The following CA12 variants were observed in gnomAD, a reference collection of about 807,000 sequenced individuals.
CA12 encodes the protein carbonic anhydrase 12.
Under a neutral mutation model 46.8 loss-of-function variants are expected in CA12, and 36 were observed. That is an observed-to-expected ratio of 0.77 (90% CI 0.59 to 1.02). The LOEUF (loss-of-function observed/expected upper bound fraction) is 1.02, where lower values mean the gene tolerates loss of function less well. CA12 is among the 50% of genes least tolerant of loss of function. The probability of loss-of-function intolerance (pLI) is 0.00; values close to 1 mark genes in which losing one functional copy is unlikely to be tolerated. For synonymous variants in CA12, 202 were observed against 187.0 expected (o/e 1.08, Z -0.65); for missense variants, 436 against 451.4 (o/e 0.97, Z 0.31).
In CA12 at chr15:63,348,899, G is replaced by T. The variant is rs1196870049; in HGVS notation, c.107-2190C>A. On this transcript the variant is annotated intron_variant, in intron 2 of 10. Coordinates refer to ENST00000178638, the MANE Select transcript of CA12 (RefSeq NM_001218.5). The surrounding 1 kb of genome is among the most constrained non-coding windows in gnomAD (Gnocchi z 4.6). The stretch of plus-strand genomic sequence containing the variant: ...AGGGCTTGGGAAAATGTGACTTGGG[G>T]AATGTTTCCTTTTTCTCTTGCTCTA... Among the ~76,000 whole-genome samples the T allele has an allele frequency of 6.6e-6, 1 of 152,238 alleles. No individual in the cohort carries two copies. Among genetic ancestry groups the T allele is most frequent in the African/African-American group, 2.4e-5 (1 of 41,470 alleles).
chr15:63,368,569 A>G (rs2039463609), intron 2 of CA12, among the ~76,000 whole-genome samples: 1 of 152,248 alleles, frequency 6.6e-6, no homozygotes, highest in Admixed American at 6.5e-5. Context: ...GCAGGTTCAC[A>G]GGGCAGCACA....
At position 63,340,608 on chromosome 15, in the gene CA12, C is replaced by T. The variant is rs1595779320; in HGVS notation, c.589+112G>A. The T allele has an allele frequency of 7.1e-7, 1 of 1,401,092 alleles. No individual in the cohort carries two copies. The highest frequency in any genetic ancestry group is 2.3e-5 in the East Asian group (1 of 43,850). 86.8% of individuals were successfully genotyped at this position (1,401,092 alleles called of 1,614,324 possible). On this transcript the variant is annotated intron_variant, in intron 6 of 10. Transcript: ENST00000178638. This position sits in a 1 kb window ranked among gnomAD's most constrained non-coding sequence, Gnocchi z 4.4. ...TTGTTCAACAACCTGCTGCTCTTAA[C>T]CTGGTGAACACAGACAGCACCTGCC...
chr15:63,356,584 C>T (rs887673647), intron 2 of CA12, among the ~76,000 whole-genome samples: 12 of 74 alleles, frequency 0.16, no homozygotes, highest in African/African-American at 0.25. Context: ...AATGCAGTAG[C>T]GTGATCTCGC....
chr15:63,376,409 A>G (rs890568415), intron 1 of CA12, among the ~76,000 whole-genome samples: 1 of 152,128 alleles, frequency 6.6e-6, no homozygotes, highest in African/African-American at 2.4e-5. Context: ...GAGCCCTTTC[A>G]TGGCATGGCT....
At position 63,342,092 on chromosome 15, in the gene CA12, G is replaced by A. The variant is rs2039086344; in HGVS notation, c.435C>T (p.His145=). 6.2e-7 allele frequency: 1 copy of A among 1,612,382 alleles called. No homozygotes were observed. The highest frequency in any genetic ancestry group is 8.5e-7 in the Non-Finnish European group (1 of 1,178,518). ...VSGQHFAAEL[H]IVHYNSDLYP... ...AAAGGTCTGAGTTATAATGGACAATGTGCAGCTGCAGTGGGGGAGAAGCCA... is the reference window on the plus strand; with the variant it reads ...AAAGGTCTGAGTTATAATGGACAATATGCAGCTGCAGTGGGGGAGAAGCCA... Residue 145 remains histidine, a synonymous_variant, in exon 5 of 11, where the codon CAC becomes CAT. Coordinates refer to ENST00000178638, the MANE Select transcript of CA12 (RefSeq NM_001218.5).
intron 2 of CA12, among the ~76,000 whole-genome samples, chr15:63,353,328 G>T (rs936409462): frequency 2.0e-5 from 3 of 152,178 alleles, no homozygotes; most frequent in Non-Finnish European, 2.9e-5. Flanking sequence ...CGTGAGGAAT[G>T]GCGTTCACTA....
At position 63,373,052 on chromosome 15, in the gene CA12, A is replaced by T. The variant is rs1184520588; in HGVS notation, c.106+2606T>A. Reference sequence around the variant, plus strand: ...GCCCGCCCTTGGCGAACACCACGTCATGATGAAGAGGCAGTTAAGATTCTC... The same window carrying T: ...GCCCGCCCTTGGCGAACACCACGTCTTGATGAAGAGGCAGTTAAGATTCTC... On this transcript the variant is annotated intron_variant, in intron 2 of 10. Transcript: ENST00000178638. The surrounding 1 kb of genome is among the most constrained non-coding windows in gnomAD (Gnocchi z 4.9). Among the ~76,000 whole-genome samples the T allele has an allele frequency of 1.3e-5, 2 of 152,210 alleles. No individual in the cohort carries two copies. Among genetic ancestry groups the T allele is most frequent in the Non-Finnish European group, 2.9e-5 (2 of 68,048 alleles).
intron 2 of CA12, among the ~76,000 whole-genome samples, chr15:63,375,064 G>A (rs545008001): frequency 6.6e-6 from 1 of 152,300 alleles, no homozygotes; most frequent in African/African-American, 2.4e-5. Context: ...GGGCTAACAT[G>A]CTCTTGGAGA....
chr15:63,352,853 C>A (rs1455925630), intron 2 of CA12, among the ~76,000 whole-genome samples: 1 of 152,078 alleles, frequency 6.6e-6, no homozygotes, highest in Non-Finnish European at 1.5e-5. Flanking sequence ...TGAAAATGAT[C>A]AAAAATTATG....
chr15:63,375,349 C>T (rs757504987), intron 2 of CA12: 2 of 322,314 alleles, frequency 6.2e-6, no homozygotes, highest in Non-Finnish European at 1.1e-5. Context: ...CCTTGCAGTC[C>T]GGAGGTGGGG....
intron 8 of CA12, among the ~76,000 whole-genome samples, chr15:63,336,087 C>T (rs942413055): frequency 2.6e-5 from 4 of 152,206 alleles, no homozygotes; most frequent in African/African-American, 9.7e-5. Flanking sequence ...AAAGCTGGTC[C>T]CAACCTGGGC....
Position 63,337,326 on chromosome 15 carries a change from C to T in CA12, c.874+1493G>A, listed in dbSNP as rs984576768. On this transcript the variant is annotated intron_variant, in intron 8 of 10. Coordinates refer to ENST00000178638, the MANE Select transcript of CA12 (RefSeq NM_001218.5). ...GGAAAGGGCCTTCAAATACAGTCTC[C>T]ATATGTTCAACTAAGTTTAGGAGGT... Among the ~76,000 whole-genome samples, 6 of 152,178 alleles carry T rather than the reference C, an allele frequency of 3.9e-5. No individual in the cohort carries two copies. The South Asian group carries it at 1.2e-3, about 31-fold the overall frequency.
At chr15:63,354,975 T>C (rs1389116284) in intron 2 of CA12, among the ~76,000 whole-genome samples, 2 of 152,184 alleles carry the variant, frequency 1.3e-5, no homozygotes, top group Non-Finnish European at 2.9e-5. Context: ...AGGTTCCTTC[T>C]GGAGATGAGG....
intron 1 of CA12, among the ~76,000 whole-genome samples, 165 bp downstream of exon 1, chr15:63,381,471 C>A (rs111433197): frequency 1.3e-5 from 2 of 152,244 alleles, no homozygotes; most frequent in Non-Finnish European, 2.9e-5. Flanking sequence ...CCCGACCCAA[C>A]CTCAGCAAAG....
chr15:63,325,580 GCT>G lies in CA12; in HGVS notation c.*703_*704del, dbSNP rs1338890808. On this transcript the variant is annotated 3_prime_UTR_variant, in exon 11 of 11. Coordinates refer to ENST00000178638, the MANE Select transcript of CA12 (RefSeq NM_001218.5). The surrounding 1 kb of genome is among the most constrained non-coding windows in gnomAD (Gnocchi z 4.9). ...TCTTCTCATTCTCTTTGTCCCTCTA[GCT>G]CTCTCTCCCTTCTCATCCCCACCAA... 1 of 152,548 alleles carries G rather than the reference GCT, an allele frequency of 6.6e-6. No individual in the cohort carries two copies. The highest frequency in any genetic ancestry group is 2.4e-5 in the African/African-American group (1 of 41,334). 9.4% of individuals were successfully genotyped at this position (152,548 alleles called of 1,614,324 possible).
intron 1 of CA12, among the ~76,000 whole-genome samples, chr15:63,376,237 C>A (rs1041986293): frequency 1.3e-5 from 2 of 152,126 alleles, no homozygotes; most frequent in East Asian, 3.8e-4. Flanking sequence ...TGAGCAGGTG[C>A]CTTCCAGACA....
In CA12 at chr15:63,372,067, G is replaced by A. The variant is rs899341310; in HGVS notation, c.106+3591C>T. ...CAGCACCCACACCAAGGACCTGAAC[G>A]TGCCCACAACCCTTCCTGCCTCCTT... On this transcript the variant is annotated intron_variant, in intron 2 of 10. Transcript: ENST00000178638. The surrounding 1 kb of genome is among the most constrained non-coding windows in gnomAD (Gnocchi z 4.5). 1.3e-5 allele frequency among the ~76,000 whole-genome samples: 2 copies of A among 152,104 alleles called. No homozygotes were observed. Among genetic ancestry groups the A allele is most frequent in the South Asian group, 2.1e-4 (1 of 4,818 alleles).
At chr15:63,351,775 C>G (rs1183737287) in intron 2 of CA12, among the ~76,000 whole-genome samples, 1 of 152,214 alleles carries the variant, frequency 6.6e-6, no homozygotes, top group East Asian at 1.9e-4. Context: ...GTTGTGCACA[C>G]TAGCAAGCAG....
At chr15:63,358,888 C>G (rs895081624) in intron 2 of CA12, among the ~76,000 whole-genome samples, 7 of 152,210 alleles carry the variant, frequency 4.6e-5, no homozygotes, top group Non-Finnish European at 1.0e-4. Flanking sequence ...ACTCTTCGGC[C>G]CTCGCACTTC....
Sources: gnomAD v4.1 joint callset for allele counts (sites outside exome capture counted in the v4.1 genomes callset) on GRCh38, gnomAD v4.1.1 for gene constraint, Gnocchi (gnomAD v3.1) non-coding constraint, MANE v1.5 for transcripts, NCBI Gene and HGNC (gene_info 2026-07-23, HGNC 2026-07-21) for gene names.